The following TP63 variants were observed in gnomAD, a reference collection of about 807,000 sequenced individuals.
TP63 encodes tumor protein 63.
TP63 carries 17 observed loss-of-function variants against 82.8 expected under a neutral mutation model. The observed-to-expected ratio is 0.21, with a 90% CI of 0.14 to 0.31. The LOEUF is 0.31. Among genes scored for constraint, TP63 ranks in the 10% least tolerant of loss-of-function variants. The pLI, the probability that TP63 is intolerant of heterozygous loss-of-function variation, is 1.00. For missense variants in TP63, 648 were observed against 895.3 expected (o/e 0.72, Z 3.52); for synonymous variants, 330 against 321.7 (o/e 1.03, Z -0.28).
Position 189,689,591 on chromosome 3 carries a change from G to T in TP63, c.63-48149G>T, listed in dbSNP as rs16864723. 2.6e-5 allele frequency among the ~76,000 whole-genome samples: 4 copies of T among 151,940 alleles called. No individual in the cohort carries two copies. In the South Asian group the frequency reaches 6.2e-4, roughly 24 times the overall value. Reference sequence around the variant, plus strand: ...TTCTTGAATCGTGTATTGGGAGTGTGCCAAAATTGTGTGCAAATATGTTCA... The same window carrying T: ...TTCTTGAATCGTGTATTGGGAGTGTTCCAAAATTGTGTGCAAATATGTTCA... On this transcript the variant is annotated intron_variant, in intron 1 of 13. Coordinates refer to ENST00000264731, the MANE Select transcript of TP63 (RefSeq NM_003722.5).
At chr3:189,629,772 C>T (rs1472438437), upstream of TP63, among the ~76,000 whole-genome samples, 1 of 152,162 alleles carries the variant, frequency 6.6e-6, no homozygotes, top group Non-Finnish European at 1.5e-5. Context: ...CTCCACCTTT[C>T]ATTATAAATG....
At chr3:189,788,791 G>A (rs1292370872) in intron 3 of TP63, among the ~76,000 whole-genome samples, 1 of 151,944 alleles carries the variant, frequency 6.6e-6, no homozygotes, top group Non-Finnish European at 1.5e-5. Flanking sequence ...GATATCTTAT[G>A]CTTTAATACT....
chr3:189,693,513 G>T (rs1717107695), intron 1 of TP63, among the ~76,000 whole-genome samples: 1 of 152,144 alleles, frequency 6.6e-6, no homozygotes, highest in Admixed American at 6.5e-5. Flanking sequence ...TCCAAATAGG[G>T]TTTTGCACCA....
chr3:189,815,226 A>G (rs768398545), intron 4 of TP63, among the ~76,000 whole-genome samples: 1 of 152,060 alleles, frequency 6.6e-6, no homozygotes, highest in Non-Finnish European at 1.5e-5. Context: ...ATAAATTAAT[A>G]TGGAGAACAT....
chr3:189,849,745 A>C (rs1715385147), intron 4 of TP63, among the ~76,000 whole-genome samples: 1 of 152,118 alleles, frequency 6.6e-6, no homozygotes, highest in African/African-American at 2.4e-5. Context: ...AATAGCCAGG[A>C]CAAGGACTGG....
intron 3 of TP63, among the ~76,000 whole-genome samples, chr3:189,789,059 A>G (rs1369750878): frequency 1.3e-5 from 2 of 152,046 alleles, no homozygotes; most frequent in Non-Finnish European, 2.9e-5. Flanking sequence ...TGTTATTGAA[A>G]CATGCTCGAA....
In TP63 at chr3:189,869,449, T is replaced by C. The variant is rs35361646; in HGVS notation, c.1212+43T>C. ...GTTCATGGTTGCTTCATTTTAACCT[T>C]CTTTGAATGGGCTTTTACAGTATGA... On this transcript the variant is annotated intron_variant, in intron 9 of 13. Transcript: ENST00000264731. The C allele has an allele frequency of 3.4e-5, 52 of 1,524,080 alleles. No individual in the cohort carries two copies. In the African/African-American group the frequency reaches 6.3e-4, roughly 18 times the overall value. 94.4% of individuals were successfully genotyped at this position (1,524,080 alleles called of 1,614,324 possible). A position where few individuals can be genotyped will look rare whatever the true frequency, so the allele number is the denominator to read the frequency against.
At chr3:189,877,967 A>G (rs1008267721) in intron 10 of TP63, among the ~76,000 whole-genome samples, 7 of 152,136 alleles carry the variant, frequency 4.6e-5, no homozygotes, top group African/African-American at 1.7e-4. Flanking sequence ...CCCCTGCCTC[A>G]GCCTCCCGAG....
intron 9 of TP63, among the ~76,000 whole-genome samples, chr3:189,871,061 A>G (rs1718364129): frequency 6.6e-6 from 1 of 152,150 alleles, no homozygotes; most frequent in Non-Finnish European, 1.5e-5. Flanking sequence ...CTGATACACT[A>G]AATATTCCAA....
chr3:189,867,171 A>G (rs1560278387), intron 6 of TP63, among the ~76,000 whole-genome samples: 2 of 152,176 alleles, frequency 1.3e-5, no homozygotes, highest in Non-Finnish European at 2.9e-5. Context: ...CCTAAGAGGG[A>G]TCTCTTAGCT....
At chr3:189,632,043 G>A (rs1242698126) in intron 1 of TP63, among the ~76,000 whole-genome samples, 2 of 150,024 alleles carry the variant, frequency 1.3e-5, no homozygotes, top group Non-Finnish European at 3.0e-5. Context: ...ATATTTTTTG[G>A]TATGTTTGAT....
intron 4 of TP63, among the ~76,000 whole-genome samples, chr3:189,856,676 T>A (rs1158750654): frequency 1.3e-5 from 2 of 152,070 alleles, no homozygotes; most frequent in Non-Finnish European, 2.9e-5. Context: ...ATAGGCTACA[T>A]GGTCATTATA....
the TP63 span, among the ~76,000 whole-genome samples, chr3:189,607,288 A>G: frequency 6.6e-6 from 1 of 152,242 alleles, no homozygotes; most frequent in African/African-American, 2.4e-5. Flanking sequence ...TAGAGTCTAT[A>G]GTTTAGTTAC....
intron 4 of TP63, among the ~76,000 whole-genome samples, chr3:189,825,822 G>A (rs1450225292): frequency 6.6e-6 from 1 of 152,140 alleles, no homozygotes; most frequent in Non-Finnish European, 1.5e-5. Flanking sequence ...TGGTAGTCAT[G>A]TACTTCTCAA....
intron 2 of TP63, among the ~76,000 whole-genome samples, chr3:189,738,126 A>G (rs558774744): frequency 1.1e-4 from 16 of 152,188 alleles, no homozygotes; most frequent in African/African-American, 1.9e-4. Flanking sequence ...CACTTCCCCA[A>G]TGTTTCTCTG....
At chr3:189,701,044 T>C (rs926526610) in intron 1 of TP63, among the ~76,000 whole-genome samples, 4 of 152,180 alleles carry the variant, frequency 2.6e-5, no homozygotes, top group Non-Finnish European at 5.9e-5. Context: ...TCATTTAATA[T>C]TTTCAAATTT....
At chr3:189,637,551 G>A (rs1711500831) in intron 1 of TP63, among the ~76,000 whole-genome samples, 1 of 152,128 alleles carries the variant, frequency 6.6e-6, no homozygotes, top group Admixed American at 6.6e-5. Context: ...AGATCACACA[G>A]CAAAATAGTA....
chr3:189,779,515 C>T (rs1379692152), intron 3 of TP63, among the ~76,000 whole-genome samples: 3 of 152,058 alleles, frequency 2.0e-5, no homozygotes, highest in Admixed American at 6.5e-5. Context: ...CATTTGTGTC[C>T]ACAGGACCTC....
At chr3:189,616,755 C>T in the TP63 span, among the ~76,000 whole-genome samples, 2 of 152,134 alleles carry the variant, frequency 1.3e-5, no homozygotes, top group Non-Finnish European at 2.9e-5. Flanking sequence ...TCATGTAGAG[C>T]CTCACGGTCA....
Sources: gnomAD v4.1 joint callset for allele counts (sites outside exome capture counted in the v4.1 genomes callset) on GRCh38, gnomAD v4.1.1 for gene constraint, MANE v1.5 for transcripts, NCBI Gene and HGNC (gene_info 2026-07-23, HGNC 2026-07-21) for gene names.